SMYD3: variants seen among roughly 807,000 people sequenced by gnomAD.
SMYD3 encodes the protein SET and MYND domain containing 3, also known as histone-lysine N-methyltransferase SMYD3.
A neutral mutation model predicts 57.7 loss-of-function variants in SMYD3; 36 were observed. That is an observed-to-expected ratio of 0.62 (90% CI 0.48 to 0.82). The LOEUF (loss-of-function observed/expected upper bound fraction) is 0.82. Among genes scored for constraint, SMYD3 ranks in the 40% least tolerant of loss-of-function variants. The pLI, the probability that SMYD3 is intolerant of heterozygous loss-of-function variation, is 0.00. For synonymous variants in SMYD3, 211 were observed against 195.0 expected, an observed-to-expected ratio of 1.08 and a Z score of -0.68; for missense variants, 515 against 538.8, an observed-to-expected ratio of 0.96 and a Z score of 0.44.
At chr1:246,288,485 G>T (rs905044788) in intron 5 of SMYD3, among the ~76,000 whole-genome samples, 6 of 152,036 alleles carry the variant, frequency 3.9e-5, no homozygotes, top group South Asian at 2.1e-4. Flanking sequence ...TGACCCAGTG[G>T]GGGTAATGCA....
chr1:245,854,143 A>T (rs2051114890), intron 10 of SMYD3, among the ~76,000 whole-genome samples: 1 of 152,214 alleles, frequency 6.6e-6, no homozygotes, highest in Non-Finnish European at 1.5e-5. Context: ...GAAAGAAGAG[A>T]TGAAGGCCCT....
intron 5 of SMYD3, among the ~76,000 whole-genome samples, chr1:246,114,744 C>T (rs2061314441): frequency 6.6e-6 from 1 of 152,196 alleles, no homozygotes; most frequent in Admixed American, 6.5e-5. Context: ...AAATCTTGTG[C>T]CTCCGTTTCC....
chr1:246,196,671 CTATT>C (rs2062833917), intron 5 of SMYD3, among the ~76,000 whole-genome samples: 1 of 152,116 alleles, frequency 6.6e-6, no homozygotes, highest in African/African-American at 2.4e-5. Flanking sequence ...AAATTTTAAA[CTATT>C]TATTTAACAC....
chr1:246,479,502 A>ATTTTTT (rs35818746), intron 1 of SMYD3, among the ~76,000 whole-genome samples: 17 of 107,592 alleles, frequency 1.6e-4, no homozygotes, highest in East Asian at 2.7e-4. Flanking sequence ...AAAAAGCGGG[A>ATTTTTT]TTTTTTTTTT....
intron 5 of SMYD3, among the ~76,000 whole-genome samples, chr1:246,246,436 G>C (rs1032643586): frequency 4.6e-5 from 7 of 152,104 alleles, no homozygotes; most frequent in African/African-American, 1.7e-4. Flanking sequence ...TGTTGTAATA[G>C]AAAGGGTACC....
At chr1:246,374,792 G>A (rs2066246037) in intron 1 of SMYD3, among the ~76,000 whole-genome samples, 1 of 152,086 alleles carries the variant, frequency 6.6e-6, no homozygotes, top group Non-Finnish European at 1.5e-5. Flanking sequence ...GGCCAACATG[G>A]CAAAACCCCA....
At chr1:246,033,753 C>G (rs892057116) in intron 5 of SMYD3, among the ~76,000 whole-genome samples, 3 of 152,088 alleles carry the variant, frequency 2.0e-5, no homozygotes, top group Non-Finnish European at 4.4e-5. Flanking sequence ...CGCTACCGCA[C>G]TCCAGCCTGG....
chr1:246,208,877 C>A (rs1440788953), intron 5 of SMYD3, among the ~76,000 whole-genome samples: 3 of 152,090 alleles, frequency 2.0e-5, no homozygotes, highest in Non-Finnish European at 1.5e-5. Flanking sequence ...AACATTAAAA[C>A]CTCTTTCCAC....
chr1:246,436,075 A>G (rs1205464776), intron 1 of SMYD3, among the ~76,000 whole-genome samples: 1 of 152,090 alleles, frequency 6.6e-6, no homozygotes, highest in Non-Finnish European at 1.5e-5. Context: ...ATTAAACCAG[A>G]AGCTTTCAGT....
chr1:245,945,976 G>A (rs536864943), intron 5 of SMYD3, among the ~76,000 whole-genome samples: 1 of 152,254 alleles, frequency 6.6e-6, no homozygotes, highest in Admixed American at 6.5e-5. Context: ...TTGAGGGGCG[G>A]AAGAACATCA....
At chr1:245,955,247 A>T (rs1421155420) in intron 5 of SMYD3, among the ~76,000 whole-genome samples, 2 of 80,578 alleles carry the variant, frequency 2.5e-5, no homozygotes, top group South Asian at 5.9e-4. Flanking sequence ...GCCCGCCGCC[A>T]TACCTGGCTA....
intron 5 of SMYD3, among the ~76,000 whole-genome samples, chr1:245,932,580 G>A (rs2056783527): frequency 6.6e-6 from 1 of 152,146 alleles, no homozygotes; most frequent in Non-Finnish European, 1.5e-5. Context: ...TTTTCTTAGA[G>A]ACAAGGTCTC....
chr1:246,224,285 G>A (rs1477172721), intron 5 of SMYD3, among the ~76,000 whole-genome samples: 1 of 152,038 alleles, frequency 6.6e-6, no homozygotes, highest in African/African-American at 2.4e-5. Flanking sequence ...CTGGGGTGGG[G>A]TGTGGCATTT....
At chr1:245,985,615 G>T (rs1488554478) in intron 5 of SMYD3, among the ~76,000 whole-genome samples, 1 of 152,122 alleles carries the variant, frequency 6.6e-6, no homozygotes, top group Non-Finnish European at 1.5e-5. Flanking sequence ...CAAGACTGTT[G>T]CTCCAACTTC....
intron 5 of SMYD3, among the ~76,000 whole-genome samples, chr1:246,284,348 C>T (rs2064512432): frequency 6.6e-6 from 1 of 152,118 alleles, no homozygotes; most frequent in African/African-American, 2.4e-5. Flanking sequence ...AGGTCAGCAA[C>T]GTGAATTCTC....
intron 5 of SMYD3, among the ~76,000 whole-genome samples, chr1:246,207,046 T>G (rs1045704717): frequency 2.6e-5 from 4 of 152,124 alleles, no homozygotes; most frequent in African/African-American, 9.7e-5. Context: ...GGAACACAAT[T>G]CTATGCCAAA....
intron 10 of SMYD3, among the ~76,000 whole-genome samples, chr1:245,796,339 T>C (rs529048064): frequency 7.0e-6 from 1 of 143,284 alleles, no homozygotes; most frequent in South Asian, 2.1e-4. Context: ...AGATTTGGAA[T>C]TCTAGATTTT....
At chr1:246,444,760 C>T (rs879347458) in intron 1 of SMYD3, among the ~76,000 whole-genome samples, 2 of 152,170 alleles carry the variant, frequency 1.3e-5, no homozygotes, top group Non-Finnish European at 2.9e-5. Flanking sequence ...ATCTAAAAAA[C>T]AGCTCCAGAG....
At chr1:246,373,116 T>C (rs2066217400) in intron 1 of SMYD3, among the ~76,000 whole-genome samples, 1 of 152,152 alleles carries the variant, frequency 6.6e-6, no homozygotes. Context: ...AAAAAAAGAC[T>C]GAAAAGAAAT....
Sources: allele counts gnomAD v4.1 joint callset (sites outside exome capture counted in the v4.1 genomes callset), GRCh38; gene constraint gnomAD v4.1.1; transcripts MANE v1.5; gene names NCBI Gene and HGNC (gene_info 2026-07-23, HGNC 2026-07-21).